GRK2: variants seen among roughly 807,000 people sequenced by gnomAD.
The protein encoded by GRK2 is adrenergic beta receptor kinase 1.
Under a neutral mutation model 97.8 loss-of-function variants are expected in GRK2, and 23 were observed. The ratio of observed to expected loss-of-function variants is 0.24; its 90% confidence interval spans 0.17 to 0.33. The LOEUF is 0.33. GRK2 is among the 10% of genes least tolerant of loss of function. The pLI is 1.00. For missense variants in GRK2, 633 were observed against 956.9 expected, an observed-to-expected ratio of 0.66 and a Z score of 4.47; for synonymous variants, 425 against 381.7, an observed-to-expected ratio of 1.11 and a Z score of -1.32.
chr11:67,284,831 C>T lies in GRK2; in HGVS notation c.1655-16C>T. The T allele has an allele frequency of 6.8e-6, 11 of 1,610,954 alleles. No homozygotes were observed. Among genetic ancestry groups the T allele is most frequent in the South Asian group, 1.1e-5 (1 of 90,852 alleles). On this transcript the variant is annotated splice_polypyrimidine_tract_variant and intron_variant, in intron 18 of 20. Coordinates refer to ENST00000308595, the MANE Select transcript of GRK2 (RefSeq NM_001619.5). ...CCAGGTGGGGCCGGCTGAGTCTCCT[C>T]TGTCTCTCGCCTCAGACTACGCCCT...
intron 1 of GRK2, among the ~76,000 whole-genome samples, chr11:67,268,790 T>C (rs1468284379): frequency 6.6e-6 from 1 of 152,216 alleles, no homozygotes; most frequent in Non-Finnish European, 1.5e-5. Flanking sequence ...TATTTTGATA[T>C]CTGTCATCTC....
Position 67,282,801 on chromosome 11 carries a change from C to A in GRK2, c.1210C>A (p.Arg404Ser). ...HKTKDKHEID[R>S]MTLTMAVELP... is the part of the protein sequence containing the mutation. ...GACCAAAGACAAGCATGAGATCGAC[C>A]GCATGACGCTGACGATGGTGGGTGC... Residue 404 changes from arginine to serine, a missense_variant, in exon 14 of 21, where the codon CGC (arginine) becomes AGC (serine). Transcript: ENST00000308595. This position sits in a 1 kb window ranked among gnomAD's most constrained non-coding sequence, Gnocchi z 6.9. 6.2e-7 allele frequency: 1 copy of A among 1,610,106 alleles called. No individual in the cohort carries two copies. The highest frequency in any genetic ancestry group is 8.5e-7 in the Non-Finnish European group (1 of 1,179,776).
At chr11:67,283,314 A>G in intron 15 of GRK2, 86 bp downstream of exon 15, 1 of 1,238,272 alleles carries the variant, frequency 8.1e-7, no homozygotes, top group East Asian at 2.3e-5. Flanking sequence ...ACCCCCTCCA[A>G]GGTCCCAGCC....
At chr11:67,273,357 A>G (rs1859951324) in intron 1 of GRK2, among the ~76,000 whole-genome samples, 1 of 152,128 alleles carries the variant, frequency 6.6e-6, no homozygotes, top group Non-Finnish European at 1.5e-5. Context: ...GTTCCCCCGG[A>G]TCTCAGGGTT....
chr11:67,281,764 C>G lies in GRK2; in HGVS notation c.826+36C>G, dbSNP rs756649187. On this transcript the variant is annotated intron_variant, in intron 10 of 20. Coordinates refer to ENST00000308595, the MANE Select transcript of GRK2 (RefSeq NM_001619.5). The surrounding 1 kb of genome is among the most constrained non-coding windows in gnomAD (Gnocchi z 5.7). Reference sequence around the variant, plus strand: ...GCCGGGCCCTAGGGTGGGCCGGGCCCAGGCACGGGAGGCTGGGGCAAGACA... The same window carrying G: ...GCCGGGCCCTAGGGTGGGCCGGGCCGAGGCACGGGAGGCTGGGGCAAGACA... 6.2e-7 allele frequency: 1 copy of G among 1,613,660 alleles called. No homozygotes were observed. The highest frequency in any genetic ancestry group is 1.7e-5 in the Admixed American group (1 of 60,028).
At chr11:67,272,953 G>A (rs1859942556) in intron 1 of GRK2, among the ~76,000 whole-genome samples, 1 of 152,258 alleles carries the variant, frequency 6.6e-6, no homozygotes, top group Non-Finnish European at 1.5e-5. Flanking sequence ...ATTCTAGCAT[G>A]GACTGTCGGT....
At chr11:67,279,079 G>A (rs1307596759) in intron 2 of GRK2, 121 bp from the exon 3 acceptor site, 10 of 812,078 alleles carry the variant, frequency 1.2e-5, no homozygotes, top group East Asian at 7.6e-5. Context: ...GCCTGGGGCC[G>A]AGACCACCTT....
chr11:67,266,772 G>C lies in GRK2; in HGVS notation c.73G>C (p.Ala25Pro). 7.3e-7 allele frequency: 1 copy of C among 1,367,070 alleles called. No homozygotes were observed. Among genetic ancestry groups the C allele is most frequent in the Non-Finnish European group, 9.6e-7 (1 of 1,046,172 alleles). The allele number at this position is 1,367,070 out of a possible 1,614,324, so 84.7% of individuals were successfully genotyped here. Residue 25 changes from alanine (A) to proline (P), a missense_variant, in exon 1 of 21, where the codon GCC becomes CCC. Ala to Pro is a conservative substitution (Grantham distance 27). Around this residue, in one of 4 missense-constraint regions of GRK2, gnomAD observed 193 missense variants for 212.2 expected, o/e 0.91. Transcript: ENST00000308595. ...CATGGAGAAGAGCAAGGCCACGCCGGCCGCGCGCGCCAGCAAGAAGATCCT... is the reference window on the plus strand; with the variant it reads ...CATGGAGAAGAGCAAGGCCACGCCGCCCGCGCGCGCCAGCAAGAAGATCCT... Reference protein sequence around the residue: ...MAMEKSKATPAARASKKILLP... With the variant: ...MAMEKSKATPPARASKKILLP...
In GRK2 at chr11:67,277,255, G is replaced by A. The variant is rs763810454; in HGVS notation, c.114-17G>A. 6.8e-6 allele frequency: 11 copies of A among 1,612,922 alleles called. No homozygotes were observed. The highest frequency in any genetic ancestry group is 4.5e-5 in the East Asian group (2 of 44,878). Reference sequence around the variant, plus strand: ...GGCTCTGGGGGCTTCTGCTTACTGCGCCCCCCTGACCCACAGCATCCGCAG... The same window carrying A: ...GGCTCTGGGGGCTTCTGCTTACTGCACCCCCCTGACCCACAGCATCCGCAG... On this transcript the variant is annotated splice_polypyrimidine_tract_variant and intron_variant, in intron 1 of 20. Coordinates refer to ENST00000308595, the MANE Select transcript of GRK2 (RefSeq NM_001619.5).
In GRK2 at chr11:67,285,164, G is replaced by C. The variant is rs1355970563; in HGVS notation, c.1881G>C (p.Gly627=). 6.2e-7 allele frequency: 1 copy of C among 1,613,582 alleles called. No homozygotes were observed. The highest frequency in any genetic ancestry group is 8.5e-7 in the Non-Finnish European group (1 of 1,179,952). Residue 627 remains glycine, a synonymous_variant, in exon 20 of 21, where the codon GGG becomes GGC. Coordinates refer to ENST00000308595, the MANE Select transcript of GRK2 (RefSeq NM_001619.5). ...RKCLLLKIRG[G]KQFILQCDSD... ...GCCTGCTCCTCAAGATCCGCGGTGGGAAACAGTTCATTTTGCAGTGCGATG... is the reference window on the plus strand; with the variant it reads ...GCCTGCTCCTCAAGATCCGCGGTGGCAAACAGTTCATTTTGCAGTGCGATG...
At chr11:67,274,524 C>CTTTTTTTTTTTTTTTTTTTTT (rs1590848179) in intron 1 of GRK2, among the ~76,000 whole-genome samples, 964 of 54,900 alleles carry the variant, frequency 0.018, 2 homozygotes, top group Non-Finnish European at 0.022. Context: ...TTTTTTTTTG[C>CTTTTTTTTTTTTTTTTTTTTT]TTTTTTTCAT....
rs770121759 is a variant in GRK2 at position 67,281,638 on chromosome 11, C to T, written c.748-12C>T. On this transcript the variant is annotated splice_polypyrimidine_tract_variant and intron_variant, in intron 9 of 20. Coordinates refer to ENST00000308595, the MANE Select transcript of GRK2 (RefSeq NM_001619.5). This position sits in a 1 kb window ranked among gnomAD's most constrained non-coding sequence, Gnocchi z 5.7. Reference sequence around the variant, plus strand: ...CTAACTGCCCGCCCCCTCCCCTCCTCTCCCCTCCTAGGACTGCCCATTCAT... The same window carrying T: ...CTAACTGCCCGCCCCCTCCCCTCCTTTCCCCTCCTAGGACTGCCCATTCAT... The T allele has an allele frequency of 8.1e-6, 13 of 1,598,454 alleles. No individual in the cohort carries two copies. In the South Asian group the frequency reaches 8.8e-5, roughly 11 times the overall value.
At chr11:67,266,854 C>A in intron 1 of GRK2, 42 bp downstream of exon 1, 2 of 1,044,958 alleles carry the variant, frequency 1.9e-6, no homozygotes, top group Non-Finnish European at 1.2e-6. Flanking sequence ...ACCCCGCGGG[C>A]GCCCCGGCCG....
chr11:67,266,689 C>T lies in GRK2; in HGVS notation c.-11C>T. 2 of 1,190,858 alleles carry T rather than the reference C, an allele frequency of 1.7e-6. No individual in the cohort carries two copies. Among genetic ancestry groups the T allele is most frequent in the Non-Finnish European group, 2.1e-6 (2 of 950,602 alleles). The allele number at this position is 1,190,858 out of a possible 1,614,324, so 73.8% of individuals were successfully genotyped here. Reference sequence around the variant, plus strand: ...GCGGCGGCGGCGGGAGGAGGCAGCGCCGCCGCCAAGATGGCGGACCTGGAG... The same window carrying T: ...GCGGCGGCGGCGGGAGGAGGCAGCGTCGCCGCCAAGATGGCGGACCTGGAG... On this transcript the variant is annotated 5_prime_UTR_variant, in exon 1 of 21. Coordinates refer to ENST00000308595, the MANE Select transcript of GRK2 (RefSeq NM_001619.5).
Position 67,286,211 on chromosome 11 carries a change from C to T in GRK2, c.*761C>T. The T allele has an allele frequency of 1.8e-6, 1 of 555,162 alleles. No individual in the cohort carries two copies. Among genetic ancestry groups the T allele is most frequent in the Non-Finnish European group, 3.2e-6 (1 of 315,876 alleles). 34.4% of individuals were successfully genotyped at this position (555,162 alleles called of 1,614,324 possible). A position where few individuals can be genotyped will look rare whatever the true frequency, so the allele number is the denominator to read the frequency against. On this transcript the variant is annotated 3_prime_UTR_variant, in exon 21 of 21. Coordinates refer to ENST00000308595, the MANE Select transcript of GRK2 (RefSeq NM_001619.5). Reference sequence around the variant, plus strand: ...CTCGCTGATGCTGGGCTGGGTGCGACCCCATCTGCCCAGGACGGGGCCGGC... The same window carrying T: ...CTCGCTGATGCTGGGCTGGGTGCGATCCCATCTGCCCAGGACGGGGCCGGC...
At chr11:67,271,476 G>A (rs1393571307) in intron 1 of GRK2, among the ~76,000 whole-genome samples, 1 of 152,214 alleles carries the variant, frequency 6.6e-6, no homozygotes, top group Non-Finnish European at 1.5e-5. Context: ...ACCCCCTCCT[G>A]GAAACCACAG....
intron 1 of GRK2, among the ~76,000 whole-genome samples, chr11:67,267,483 C>T (rs1477481569): frequency 2.0e-5 from 3 of 152,198 alleles, no homozygotes; most frequent in Non-Finnish European, 4.4e-5. Flanking sequence ...CCCTCCCCCT[C>T]GGACCGCGCT....
intron 1 of GRK2, among the ~76,000 whole-genome samples, chr11:67,273,153 G>A (rs148741660): frequency 2.0e-5 from 3 of 152,328 alleles, no homozygotes; most frequent in Non-Finnish European, 4.4e-5. Context: ...TTTTACAGCT[G>A]GGGAAACTGG....
intron 1 of GRK2, among the ~76,000 whole-genome samples, chr11:67,270,536 C>T (rs1199193258): frequency 6.6e-6 from 1 of 152,176 alleles, no homozygotes; most frequent in East Asian, 1.9e-4. Context: ...AGGGGTGCAG[C>T]GGGAAGCTCT....
Sources: gnomAD v4.1 joint callset for allele counts (sites outside exome capture counted in the v4.1 genomes callset) on GRCh38, gnomAD v4.1.1 for gene constraint, gnomAD v4.1.1 regional missense constraint, Gnocchi (gnomAD v3.1) non-coding constraint, MANE v1.5 for transcripts, NCBI Gene and HGNC (gene_info 2026-07-23, HGNC 2026-07-21) for gene names.